Variants in SCOC observed in about 807,000 individuals in gnomAD.
SCOC encodes the protein short coiled coil protein.
SCOC carries 7 observed loss-of-function variants against 9.9 expected under a neutral mutation model. The observed-to-expected ratio is 0.71, with a 90% CI of 0.40 to 1.33. The LOEUF (loss-of-function observed/expected upper bound fraction) is 1.33. Among genes scored for constraint, SCOC ranks in the 40% most tolerant of loss-of-function variants. The pLI is 0.01. For synonymous variants in SCOC, 19 were observed against 28.2 expected, an observed-to-expected ratio of 0.67 and a Z score of 1.03; for missense variants, 66 against 89.7, an observed-to-expected ratio of 0.74 and a Z score of 1.07.
chr4:140,320,084 A>G (rs1308189960), intron 1 of SCOC, among the ~76,000 whole-genome samples: 2 of 152,204 alleles, frequency 1.3e-5, no homozygotes, highest in Non-Finnish European at 2.9e-5. Flanking sequence ...ATTCTAAGTC[A>G]CAGGATGAGA....
intron 1 of SCOC, among the ~76,000 whole-genome samples, chr4:140,315,024 G>A (rs1732273302): frequency 6.6e-6 from 1 of 152,180 alleles, no homozygotes; most frequent in Admixed American, 6.5e-5. Context: ...TTTCTATCAA[G>A]GATCTGAGGA....
rs1200216702 is a variant in SCOC, at chr4:140,384,750, G to A, written c.*3646G>A. ...CTAGTTTACATGCTGGTAGAATAATGTTTGGTAGGGAAAAATCAGCATACT... is the reference window on the plus strand; with the variant it reads ...CTAGTTTACATGCTGGTAGAATAATATTTGGTAGGGAAAAATCAGCATACT... On this transcript the variant is annotated 3_prime_UTR_variant, in exon 4 of 4. Transcript: ENST00000608372. 3 of 152,128 alleles carry A rather than the reference G, an allele frequency of 2.0e-5. No homozygotes were observed. Among genetic ancestry groups the A allele is most frequent in the African/African-American group, 4.8e-5 (2 of 41,438 alleles). 9.4% of individuals were successfully genotyped at this position (152,128 alleles called of 1,614,324 possible).
intron 1 of SCOC, among the ~76,000 whole-genome samples, chr4:140,267,067 C>T (rs1343877003): frequency 6.6e-6 from 1 of 152,152 alleles, no homozygotes; most frequent in Non-Finnish European, 1.5e-5. Context: ...TAGAATATTT[C>T]TGTGGTGAGA....
intron 1 of SCOC, among the ~76,000 whole-genome samples, chr4:140,275,820 GTTTT>G (rs1175950527): frequency 2.2e-5 from 2 of 90,652 alleles, no homozygotes; most frequent in African/African-American, 7.5e-5. Flanking sequence ...GCTCAGGTTT[GTTTT>G]TTTTTTTTTT....
At chr4:140,277,359 C>G (rs765447080) in intron 1 of SCOC, among the ~76,000 whole-genome samples, 8 of 152,280 alleles carry the variant, frequency 5.3e-5, no homozygotes, top group Admixed American at 3.3e-4. Context: ...CACCAAGTCT[C>G]TTTTGTGTAA....
At chr4:140,279,526 A>C (rs905370217) in intron 1 of SCOC, among the ~76,000 whole-genome samples, 1 of 152,158 alleles carries the variant, frequency 6.6e-6, no homozygotes, top group African/African-American at 2.4e-5. Flanking sequence ...CACGCTAAAT[A>C]ATAAGTACTA....
intron 1 of SCOC, among the ~76,000 whole-genome samples, chr4:140,330,385 A>G (rs980448964): frequency 6.6e-6 from 1 of 152,184 alleles, no homozygotes; most frequent in African/African-American, 2.4e-5. Flanking sequence ...TTTTCATGTA[A>G]CCAAACACCA....
chr4:140,269,749 G>C (rs546590070), intron 1 of SCOC, among the ~76,000 whole-genome samples: 1 of 152,190 alleles, frequency 6.6e-6, no homozygotes, highest in South Asian at 2.1e-4. Flanking sequence ...ATTCACAAAG[G>C]TACCTTTTTT....
intron 1 of SCOC, among the ~76,000 whole-genome samples, chr4:140,300,822 T>C (rs1271637356): frequency 6.6e-6 from 1 of 152,202 alleles, no homozygotes; most frequent in Non-Finnish European, 1.5e-5. Context: ...TCAGATGAAA[T>C]ATTATTTCCT....
intron 1 of SCOC, among the ~76,000 whole-genome samples, chr4:140,288,407 CCCACA>C (rs1206938512): frequency 1.3e-5 from 2 of 152,010 alleles, no homozygotes; most frequent in Non-Finnish European, 2.9e-5. Context: ...ATGCAAATAC[CCCACA>C]CAAAACACAC....
chr4:140,280,557 C>T (rs149462411), intron 1 of SCOC, among the ~76,000 whole-genome samples: 127 of 152,320 alleles, frequency 8.3e-4, no homozygotes, highest in Middle Eastern at 3.4e-3. Flanking sequence ...TGCTACAGAG[C>T]AGTCCCTCAG....
intron 1 of SCOC, among the ~76,000 whole-genome samples, chr4:140,274,945 C>T (rs889574136): frequency 1.3e-5 from 2 of 152,148 alleles, no homozygotes; most frequent in African/African-American, 4.8e-5. Context: ...TTTCTTGCTT[C>T]TAATCTAGAT....
Position 140,373,734 on chromosome 4 carries a change from G to A in SCOC, c.-51+17G>A. On this transcript the variant is annotated intron_variant, in intron 1 of 3. Transcript: ENST00000608372. ...AAGCGGAAGGTGAGGGCCGTCCCGG[G>A]CAGCGGAGGGCCTGGCCCCAGGCGA... The A allele has an allele frequency of 6.5e-7, 1 of 1,542,302 alleles. No individual in the cohort carries two copies. The highest frequency in any genetic ancestry group is 1.4e-5 in the African/African-American group (1 of 73,072).
Position 140,298,882 on chromosome 4 carries a change from C to T in SCOC, c.-19+41472C>T, listed in dbSNP as rs186644036. ...CCAGGCTGGAATGCAGTGGCACGAT[C>T]ATGGTTCACTGCAGCCTCGTCCTCC... On this transcript the variant is annotated intron_variant, in intron 1 of 4. Transcript: ENST00000394205. Among the ~76,000 whole-genome samples, 247 of 152,322 alleles carry T rather than the reference C, an allele frequency of 1.6e-3. 2 individuals are homozygous for T. Among genetic ancestry groups the T allele is most frequent in the Non-Finnish European group, 1.0e-3 (69 of 68,032 alleles).
upstream of SCOC, among the ~76,000 whole-genome samples, chr4:140,340,568 A>G (rs1322637407): frequency 2.6e-5 from 4 of 152,028 alleles, no homozygotes; most frequent in Non-Finnish European, 2.9e-5. Flanking sequence ...CTGCATCCCT[A>G]CCTCTCACTC....
rs1727676376 is a variant in SCOC at position 140,363,855 on chromosome 4, T to A, written c.71-15266T>A. ...TTTCATTGTGTTTAGTGCAATACTGTAAACCTTGAATAACACCATGGCACC... is the reference window on the plus strand; with the variant it reads ...TTTCATTGTGTTTAGTGCAATACTGAAAACCTTGAATAACACCATGGCACC... On this transcript the variant is annotated intron_variant, in intron 2 of 4. Coordinates refer to the SCOC transcript ENST00000338517. Among the ~76,000 whole-genome samples the A allele has an allele frequency of 2.6e-5, 4 of 152,322 alleles. No individual in the cohort carries two copies. In the South Asian group the frequency reaches 8.3e-4, roughly 32 times the overall value.
chr4:140,330,464 T>G (rs537570083), intron 1 of SCOC, among the ~76,000 whole-genome samples: 13 of 152,318 alleles, frequency 8.5e-5, no homozygotes, highest in African/African-American at 2.9e-4. Flanking sequence ...CTGAAGCTTT[T>G]TGTTAAAGAG....
intron 1 of SCOC, among the ~76,000 whole-genome samples, chr4:140,321,558 A>C (rs1470449674): frequency 6.6e-6 from 1 of 152,232 alleles, no homozygotes; most frequent in Non-Finnish European, 1.5e-5. Flanking sequence ...ACTGTCTTTC[A>C]TGGGCTTACC....
At chr4:140,304,829 T>C (rs944065616) in intron 1 of SCOC, among the ~76,000 whole-genome samples, 1 of 152,194 alleles carries the variant, frequency 6.6e-6, no homozygotes, top group Non-Finnish European at 1.5e-5. Flanking sequence ...ACGCTGCCCT[T>C]TATTCCTGAT....
Sources: gnomAD v4.1 joint callset for allele counts (sites outside exome capture counted in the v4.1 genomes callset) on GRCh38, gnomAD v4.1.1 for gene constraint, MANE v1.5 for transcripts, NCBI Gene and HGNC (gene_info 2026-07-23, HGNC 2026-07-21) for gene names.